Variants in MASP2 observed in about 807,000 individuals in gnomAD.
MASP2 encodes MBL associated serine protease 2, also known as mannan-binding lectin serine protease 2.
MASP2 carries 49 observed loss-of-function variants against 57.1 expected under a neutral mutation model. The ratio of observed to expected loss-of-function variants is 0.86; its 90% CI spans 0.68 to 1.09. The LOEUF (loss-of-function observed/expected upper bound fraction) is 1.09. MASP2 is among the 50% of genes least tolerant of loss of function. MASP2 has a pLI of 0.00. For missense variants in MASP2, 900 were observed against 874.8 expected (o/e 1.03, Z -0.36); for synonymous variants, 379 against 340.8 (o/e 1.11, Z -1.24).
chr1:11,044,767 C>T (rs1288612537), intron 4 of MASP2: 13 of 1,235,534 alleles, frequency 1.1e-5, no homozygotes, highest in Non-Finnish European at 1.4e-5. Context: ...CGCCTCCCGA[C>T]CCTCCCACCC....
At chr1:11,033,736 G>C (rs1643869118) in intron 8 of MASP2, among the ~76,000 whole-genome samples, 1 of 152,068 alleles carries the variant, frequency 6.6e-6, no homozygotes, top group Non-Finnish European at 1.5e-5. Context: ...TTTGAGACCA[G>C]CCTGGCCAAC....
intron 8 of MASP2, among the ~76,000 whole-genome samples, chr1:11,032,899 A>G (rs909342629): frequency 1.3e-5 from 2 of 151,978 alleles, no homozygotes; most frequent in African/African-American, 4.8e-5. Flanking sequence ...ACAGAACAAG[A>G]CTCCGTCTCA....
At chr1:11,041,592 A>ATGG (rs1213626067) in intron 6 of MASP2, among the ~76,000 whole-genome samples, 123 of 112,068 alleles carry the variant, frequency 1.1e-3, no homozygotes, top group African/African-American at 4.3e-3. Context: ...GGGTGGGTGG[A>ATGG]TGGATGGTGG....
chr1:11,044,832 T>C, intron 4 of MASP2: 3 of 1,400,408 alleles, frequency 2.1e-6, no homozygotes, highest in Non-Finnish European at 2.8e-6. Flanking sequence ...GGGTCCATGG[T>C]GGGTGAATGG....
rs565771459 is a variant in MASP2 at position 11,031,528 on chromosome 1, TAA to T, written c.1088-648_1088-647del. Reference sequence around the variant, plus strand: ...TGGGTGACAGAGCAAGACTCTGTCTTAAAAAAAAAAAAAAAAAAGGCTGCAGC... The same window carrying T: ...TGGGTGACAGAGCAAGACTCTGTCTTAAAAAAAAAAAAAAAAGGCTGCAGC... On this transcript the variant is annotated intron_variant, in intron 8 of 10. Transcript: ENST00000400897. Among the ~76,000 whole-genome samples, 26 of 67,492 alleles carry T rather than the reference TAA, an allele frequency of 3.9e-4. 1 individual carries two copies. The East Asian group carries it at 6.2e-3, about 16-fold the overall frequency. 44.3% of individuals were successfully genotyped at this position (67,492 alleles called of 152,430 possible). A position where few individuals can be genotyped will look rare whatever the true frequency, so the allele number is the denominator to read the frequency against.
At chr1:11,030,344 G>T in intron 9 of MASP2, 94 bp from the exon 10 acceptor site, 1 of 842,782 alleles carries the variant, frequency 1.2e-6, no homozygotes, top group Non-Finnish European at 2.0e-6. Context: ...TGATTCTTGA[G>T]CATCAGTGGG....
At position 11,042,396 on chromosome 1, in the gene MASP2, TTGGATGGATGGATGGA is replaced by T. The variant is rs141900678; in HGVS notation, c.889+463_889+478del. ...AAGGATGAGTGAATGGATAGATGGA[TTGGATGGATGGATGGA>T]TGGATGGATGGATGGATGGATGGAT... On this transcript the variant is annotated intron_variant, in intron 6 of 10. Transcript: ENST00000400897. Among the ~76,000 whole-genome samples the T allele has an allele frequency of 5.1e-3, 727 of 141,946 alleles. 6 individuals carry two copies. Among genetic ancestry groups the T allele is most frequent in the Non-Finnish European group, 7.0e-3 (461 of 65,738 alleles). The allele number at this position is 141,946 out of a possible 152,430, so 93.1% of individuals were successfully genotyped here.
intron 6 of MASP2, among the ~76,000 whole-genome samples, chr1:11,038,958 C>A (rs1356770000): frequency 6.6e-6 from 1 of 152,166 alleles, no homozygotes; most frequent in Non-Finnish European, 1.5e-5. Context: ...AACTCATACC[C>A]ACACTTCAAC....
chr1:11,045,388 GC>G lies in MASP2; in HGVS notation c.544+19del. 6.2e-7 allele frequency: 1 copy of G among 1,612,470 alleles called. No homozygotes were observed. Among genetic ancestry groups the G allele is most frequent in the Non-Finnish European group, 8.5e-7 (1 of 1,179,950 alleles). On this transcript the variant is annotated intron_variant, in intron 4 of 10. Coordinates refer to ENST00000400897, the MANE Select transcript of MASP2 (RefSeq NM_006610.4). ...GTATCCCAGGAGAGGGTGCGTTGGG[GC>G]CCAGGCAGCCTCCCTCACCTGAGCA...
intron 8 of MASP2, 138 bp downstream of exon 8, chr1:11,034,690 C>A: frequency 1.7e-6 from 1 of 571,514 alleles, no homozygotes; most frequent in Non-Finnish European, 3.0e-6. Context: ...CAGAGCAAGA[C>A]CCTGTCTCAG....
intron 4 of MASP2, 86 bp from the exon 5 acceptor site, chr1:11,043,621 G>A: frequency 1.1e-6 from 1 of 902,434 alleles, no homozygotes; most frequent in South Asian, 1.6e-5. Flanking sequence ...TTGGGGAGCA[G>A]GAAACTGGGA....
At chr1:11,041,140 T>TGTGTTGGTAGAAGGAAG (rs1638417948) in intron 6 of MASP2, among the ~76,000 whole-genome samples, 1 of 135,184 alleles carries the variant, frequency 7.4e-6, no homozygotes, top group Non-Finnish European at 1.6e-5. Context: ...GATGGAAGGA[T>TGTGTTGGTAGAAGGAAG]GTGTTGGTAG....
At chr1:11,036,236 G>A (rs1194712101) in intron 7 of MASP2, among the ~76,000 whole-genome samples, 3 of 152,096 alleles carry the variant, frequency 2.0e-5, no homozygotes, top group African/African-American at 7.2e-5. Flanking sequence ...CGGGCGCGGT[G>A]GCTCACGCCT....
rs1001211713 is a variant in MASP2, at chr1:11,029,964, A to G, written c.1297+212T>C. ...TTATGCTTGCCTAGTTATAAGGTCA[A>G]AGAGAATCAAATGACTGATGCAGTC... On this transcript the variant is annotated intron_variant, in intron 10 of 10. Transcript: ENST00000400897. 7 of 465,858 alleles carry G rather than the reference A, an allele frequency of 1.5e-5. No individual in the cohort carries two copies. The Admixed American group carries it at 2.8e-4, about 19-fold the overall frequency. 28.9% of individuals were successfully genotyped at this position (465,858 alleles called of 1,614,324 possible). A position where few individuals can be genotyped will look rare whatever the true frequency, so the allele number is the denominator to read the frequency against.
intron 4 of MASP2, among the ~76,000 whole-genome samples, chr1:11,044,007 C>T (rs1371800201): frequency 6.6e-6 from 1 of 152,122 alleles, no homozygotes; most frequent in Admixed American, 6.5e-5. Context: ...AGCATCTCCT[C>T]GAGCCTAAGG....
chr1:11,034,753 C>T, intron 8 of MASP2, 75 bp downstream of exon 8: 1 of 920,940 alleles, frequency 1.1e-6, no homozygotes, highest in South Asian at 1.8e-5. Flanking sequence ...ACCAGAGAAG[C>T]AATAGAAGCA....
intron 6 of MASP2, among the ~76,000 whole-genome samples, chr1:11,040,675 G>T (rs942313602): frequency 2.0e-5 from 3 of 151,456 alleles, no homozygotes; most frequent in African/African-American, 7.3e-5. Flanking sequence ...TAATGGGTGG[G>T]TGGATAGATG....
chr1:11,046,722 C>T lies in MASP2; in HGVS notation c.246G>A (p.Gly82=), dbSNP rs1638652405. 2.5e-6 allele frequency: 4 copies of T among 1,612,328 alleles called. No homozygotes were observed. The African/African-American group carries it at 4.0e-5, about 16-fold the overall frequency. The change falls in exon 3 of 11, where the codon GGG becomes GGA. Residue 82 remains glycine (G), a synonymous_variant. Transcript: ENST00000400897. ...CGCACAGCGTGGCCAGCACCTTGGC[C>T]CCCGAGCTCAGCTGTGGGGTCAGGT... ...CEYDFVKLSS[G]AKVLATLCGQ...
In MASP2 at chr1:11,047,193, G is replaced by T; in HGVS notation, c.5+10C>A. The T allele has an allele frequency of 1.9e-6, 3 of 1,561,508 alleles. No individual in the cohort carries two copies. The highest frequency in any genetic ancestry group is 1.2e-5 in the South Asian group (1 of 85,092). ...CACACCCTGCAGGGAGGCTGTGGGC[G>T]CCCACCTACCTCATGGTGTGCCCGT... is the stretch of plus-strand genomic sequence containing the variant. On this transcript the variant is annotated intron_variant, in intron 1 of 10. Transcript: ENST00000400897.
Sources: allele counts gnomAD v4.1 joint callset (sites outside exome capture counted in the v4.1 genomes callset), GRCh38; gene constraint gnomAD v4.1.1; transcripts MANE v1.5; gene names NCBI Gene and HGNC (gene_info 2026-07-23, HGNC 2026-07-21).